Variants in KDM3A observed in about 807,000 individuals in gnomAD.
KDM3A encodes the protein lysine-specific demethylase 3A.
Under a neutral mutation model 158.0 loss-of-function variants are expected in KDM3A, and 60 were observed. The observed-to-expected ratio is 0.38, with a 90% confidence interval of 0.31 to 0.47. The LOEUF (loss-of-function observed/expected upper bound fraction) is 0.47. Ranked by LOEUF, KDM3A falls within the 20% of genes least tolerant of loss-of-function variation. KDM3A has a pLI of 0.99. For synonymous variants in KDM3A, 608 were observed against 549.3 expected (o/e 1.11, Z -1.49); for missense variants, 1,319 against 1,574.3 (o/e 0.84, Z 2.74).
intron 12 of KDM3A, 126 bp from the exon 13 acceptor site, chr2:86,477,751 A>G (rs1278835568): frequency 5.9e-6 from 5 of 851,884 alleles, no homozygotes; most frequent in African/African-American, 1.7e-5. Flanking sequence ...AGCATTTGCA[A>G]TGAAGCCTGA....
At chr2:86,454,420 A>G (rs111524848) in intron 4 of KDM3A, among the ~76,000 whole-genome samples, 1 of 152,214 alleles carries the variant, frequency 6.6e-6, no homozygotes, top group African/African-American at 2.4e-5. Flanking sequence ...GCTGCCCATT[A>G]TCAGTGGACT....
Position 86,484,039 on chromosome 2 carries a change from C to G in KDM3A, c.2975C>G (p.Pro992Arg). ...HHKLNSELWK[P>R]ESFRKEFGEQ... ...AAATTGAACTCTGAACTTTGGAAAC[C>G]TGAATCCTTCAGGAAAGAGTTTGGT... The change falls in exon 19 of 26, where the codon CCT (proline) becomes CGT (arginine). Residue 992 changes from proline to arginine, a missense_variant. Transcript: ENST00000312912. 6.2e-7 allele frequency: 1 copy of G among 1,613,956 alleles called. No individual in the cohort carries two copies. Among genetic ancestry groups the G allele is most frequent in the Non-Finnish European group, 8.5e-7 (1 of 1,179,908 alleles).
At chr2:86,444,661 G>A (rs1368316103) in intron 2 of KDM3A, among the ~76,000 whole-genome samples, 2 of 151,012 alleles carry the variant, frequency 1.3e-5, no homozygotes, top group East Asian at 3.9e-4. Flanking sequence ...GGGGTGAGAT[G>A]GGGGTGGGGC....
chr2:86,483,902 A>G (rs919052857), intron 18 of KDM3A, 85 bp from the exon 19 acceptor site: 2 of 1,072,556 alleles, frequency 1.9e-6, no homozygotes, highest in Middle Eastern at 2.2e-4. Flanking sequence ...GAAATATACC[A>G]ATAGCAGTGT....
upstream of KDM3A, among the ~76,000 whole-genome samples, chr2:86,439,191 C>A (rs1682549753): frequency 6.6e-6 from 1 of 151,972 alleles, no homozygotes; most frequent in African/African-American, 2.4e-5. Flanking sequence ...CACAAGTGTT[C>A]AATGTGACTG....
At chr2:86,467,476 CT>C (rs1673203613) in intron 10 of KDM3A, 1 of 152,146 alleles carries the variant, frequency 6.6e-6, no homozygotes, top group Admixed American at 6.5e-5. Flanking sequence ...GGAAGAGTCT[CT>C]TTGCTTAAGG....
intron 2 of KDM3A, chr2:86,443,486 A>G (rs1682827301): frequency 6.6e-6 from 1 of 152,212 alleles, no homozygotes; most frequent in Non-Finnish European, 1.5e-5. Context: ...CCATGTGGCA[A>G]GCACTTCACA....
chr2:86,464,136 A>G lies in KDM3A; in HGVS notation c.927A>G (p.Pro309=). 1 of 1,612,974 alleles carries G rather than the reference A, an allele frequency of 6.2e-7. No homozygotes were observed. Among genetic ancestry groups the G allele is most frequent in the Non-Finnish European group, 8.5e-7 (1 of 1,179,260 alleles). The change falls in exon 9 of 26, where the codon CCA becomes CCG. Residue 309 remains proline, a synonymous_variant. Transcript: ENST00000312912. Reference sequence around the variant, plus strand: ...TGCTTGGCTGTACTGCGGCAACTCCACCTAGTAAGGACCCAAGACAGCAAA... The same window carrying G: ...TGCTTGGCTGTACTGCGGCAACTCCGCCTAGTAAGGACCCAAGACAGCAAA... The part of the protein sequence containing the change: ...EILLGCTAAT[P]PSKDPRQQST...
chr2:86,485,994 A>G, intron 21 of KDM3A, 135 bp downstream of exon 21: 3 of 933,508 alleles, frequency 3.2e-6, no homozygotes, highest in South Asian at 1.9e-5. Context: ...TCATTTTTAC[A>G]TATTTCCTTT....
At chr2:86,491,907 T>C in intron 25 of KDM3A, 132 bp from the exon 26 acceptor site, 1 of 645,034 alleles carries the variant, frequency 1.6e-6, no homozygotes, top group Non-Finnish European at 2.7e-6. Flanking sequence ...TTTTGCAATG[T>C]TGACATTTCA....
intron 8 of KDM3A, among the ~76,000 whole-genome samples, chr2:86,463,665 G>A (rs780530555): frequency 2.2e-4 from 33 of 152,358 alleles, no homozygotes; most frequent in Admixed American, 9.1e-4. Context: ...CAGTAAGTGC[G>A]TGGTGGGCAC....
In KDM3A at chr2:86,482,517, G is replaced by A; in HGVS notation, c.2745G>A (p.Val915=). 1 of 1,614,172 alleles carries A rather than the reference G, an allele frequency of 6.2e-7. No individual in the cohort carries two copies. Residue 915 remains valine, a synonymous_variant, in exon 18 of 26, where the codon GTG becomes GTA. Coordinates refer to ENST00000312912, the MANE Select transcript of KDM3A (RefSeq NM_018433.6). ...TTGATGACATCTTTGCCTCTTTGGT[G>A]CAAAATAAGACGACTTCTGATTTAT... ...KILDDIFASL[V]QNKTTSDLSK... is the part of the protein sequence containing the mutation.
chr2:86,466,721 C>T lies in KDM3A; in HGVS notation c.1357C>T (p.Pro453Ser), dbSNP rs755192037. The part of the protein sequence containing the change: ...APSPSDVSNA[P>S]EVKAGVNSDS... ...TTCCCCATCGGATGTTTCAAATGCA[C>T]CAGAAGTGAAAGCAGGTGTCAATAG... Residue 453 changes from proline (P) to serine (S), a missense_variant, in exon 10 of 26, where the codon CCA (proline) becomes TCA (serine). Pro to Ser is a moderately conservative substitution (Grantham distance 74). Coordinates refer to ENST00000312912, the MANE Select transcript of KDM3A (RefSeq NM_018433.6). 3.1e-6 allele frequency: 5 copies of T among 1,613,874 alleles called. No homozygotes were observed. Among genetic ancestry groups the T allele is most frequent in the South Asian group, 2.2e-5 (2 of 91,072 alleles).
At position 86,480,185 on chromosome 2, in the gene KDM3A, A is replaced by C. The variant is rs1673852510; in HGVS notation, c.2335A>C (p.Lys779Gln). 2 of 1,612,818 alleles carry C rather than the reference A, an allele frequency of 1.2e-6. No homozygotes were observed. Among genetic ancestry groups the C allele is most frequent in the Non-Finnish European group, 1.7e-6 (2 of 1,179,974 alleles). ...DLKQTSLAGE[K>Q]PTLGAVLQQN... ...AACACAGACTTCTTTAGCTGGAGAA[A>C]AACCGACTCTTGGTGCAGTGCTCCA... is the stretch of plus-strand genomic sequence containing the variant. The change falls in exon 16 of 26, where the codon AAA becomes CAA. Residue 779 changes from lysine to glutamine, a missense_variant. Around this residue, in one of 4 missense-constraint regions of KDM3A, gnomAD observed 368 missense variants for 415.8 expected, o/e 0.89. Coordinates refer to ENST00000312912, the MANE Select transcript of KDM3A (RefSeq NM_018433.6).
Position 86,480,306 on chromosome 2 carries a change from C to A in KDM3A, c.2456C>A (p.Ser819Tyr). The change falls in exon 16 of 26, where the codon TCT becomes TAT. Residue 819 changes from serine to tyrosine, a missense_variant. Coordinates refer to ENST00000312912, the MANE Select transcript of KDM3A (RefSeq NM_018433.6). ...SMKPACPAST[S>Y]PLNWLADLTS... Reference sequence around the variant, plus strand: ...AAGCCTGCCTGTCCAGCCAGCACATCTCCTCTAAACTGGCTGGCCGACCTA... The same window carrying A: ...AAGCCTGCCTGTCCAGCCAGCACATATCCTCTAAACTGGCTGGCCGACCTA... The A allele has an allele frequency of 6.2e-7, 1 of 1,614,052 alleles. No homozygotes were observed. Among genetic ancestry groups the A allele is most frequent in the Non-Finnish European group, 8.5e-7 (1 of 1,179,988 alleles).
Position 86,470,432 on chromosome 2 carries a change from A to T in KDM3A, c.1724+24A>T, listed in dbSNP as rs2104673252. 3 of 1,601,112 alleles carry T rather than the reference A, an allele frequency of 1.9e-6. No individual in the cohort carries two copies. The East Asian group carries it at 6.7e-5, about 36-fold the overall frequency. On this transcript the variant is annotated intron_variant, in intron 11 of 25. Coordinates refer to ENST00000312912, the MANE Select transcript of KDM3A (RefSeq NM_018433.6). ...AGGTGAGGCATTTTGGGAAAAGTTC[A>T]GATAATCTGGGCATACTTGTTATGC...
chr2:86,483,957 C>G, intron 18 of KDM3A, 30 bp from the exon 19 acceptor site: 1 of 1,586,386 alleles, frequency 6.3e-7, no homozygotes, highest in Non-Finnish European at 8.6e-7. Flanking sequence ...TGGCAGAGTT[C>G]AGACTAAAGT....
At position 86,491,153 on chromosome 2, in the gene KDM3A, T is replaced by C. The variant is rs201570782; in HGVS notation, c.3763T>C (p.Tyr1255His). The stretch of plus-strand genomic sequence containing the variant: ...TGGTGTTTTTCAGGTTCATAACTTA[T>C]ATAGCTGCATCAAAGTGGCTGAAGA... ...AGAPHQVHNLYSCIKVAEDFV... is the reference protein window; with the variant it reads ...AGAPHQVHNLHSCIKVAEDFV... The change falls in exon 25 of 26, where the codon TAT (tyrosine) becomes CAT (histidine). Residue 1255 changes from tyrosine (Y) to histidine (H), a missense_variant. Tyr to His is a moderately conservative substitution (Grantham distance 83). Around this residue, in one of 4 missense-constraint regions of KDM3A, gnomAD observed 186 missense variants for 340.9 expected, o/e 0.55. Coordinates refer to ENST00000312912, the MANE Select transcript of KDM3A (RefSeq NM_018433.6). 3.9e-4 allele frequency: 622 copies of C among 1,614,036 alleles called. No homozygotes were observed. Among genetic ancestry groups the C allele is most frequent in the Non-Finnish European group, 4.9e-4 (581 of 1,179,924 alleles).
At chr2:86,442,396 T>C (rs1682765899) in intron 2 of KDM3A, 163 bp downstream of exon 2, 1 of 672,032 alleles carries the variant, frequency 1.5e-6, no homozygotes, top group East Asian at 2.9e-5. Context: ...AATGGTTGTA[T>C]AGAGCCGAGT....
Sources: gnomAD v4.1 joint callset for allele counts (sites outside exome capture counted in the v4.1 genomes callset) on GRCh38, gnomAD v4.1.1 for gene constraint, gnomAD v4.1.1 regional missense constraint, MANE v1.5 for transcripts, NCBI Gene and HGNC (gene_info 2026-07-23, HGNC 2026-07-21) for gene names.